Variants in ADGRG2 observed in about 807,000 individuals in gnomAD.
ADGRG2 encodes the protein G protein-coupled receptor 64.
A neutral mutation model predicts 74.1 loss-of-function variants in ADGRG2; 26 were observed. That is an observed-to-expected ratio of 0.35 (90% CI 0.26 to 0.49). The LOEUF (loss-of-function observed/expected upper bound fraction) is 0.49, where lower values mean the gene tolerates loss of function less well. Ranked by LOEUF, ADGRG2 falls within the 20% of genes least tolerant of loss-of-function variation. The pLI is 0.99. For missense variants in ADGRG2, 619 were observed against 763.1 expected, an observed-to-expected ratio of 0.81 and a Z score of 2.22; for synonymous variants, 296 against 295.2, an observed-to-expected ratio of 1.00 and a Z score of -0.03.
intron 2 of ADGRG2, among the ~76,000 whole-genome samples, chrX:19,076,423 G>A (rs2061748327): frequency 9.0e-6 from 1 of 111,539 alleles, no homozygotes; most frequent in African/African-American, 3.3e-5. Context: ...GGCCCCAGGT[G>A]CCCAGAACTA....
chrX:19,074,508 A>G (rs1428685523), intron 2 of ADGRG2, among the ~76,000 whole-genome samples: 1 of 92,456 alleles, frequency 1.1e-5, no homozygotes, highest in Non-Finnish European at 2.1e-5. Flanking sequence ...AAGTGCTGGG[A>G]TTACAGGAGT....
rs747943883 is a variant in ADGRG2, at chrX:19,074,752, G to T, written c.-1-5917C>A. Reference sequence around the variant, plus strand: ...ACCCGGCTAATTTTTTCTATTTTTAGTAGAGATGGGGTTTCACCATGTTGG... The same window carrying T: ...ACCCGGCTAATTTTTTCTATTTTTATTAGAGATGGGGTTTCACCATGTTGG... On this transcript the variant is annotated intron_variant, in intron 2 of 28. Coordinates refer to ENST00000379869, the MANE Select transcript of ADGRG2 (RefSeq NM_001079858.3). Among the ~76,000 whole-genome samples, 3 of 106,650 alleles carry T rather than the reference G, an allele frequency of 2.8e-5. No individual in the cohort carries two copies. The East Asian group carries it at 8.9e-4, about 32-fold the overall frequency. The allele number at this position is 106,650 out of a possible 115,157, so 92.6% of individuals were successfully genotyped here.
intron 3 of ADGRG2, among the ~76,000 whole-genome samples, chrX:19,065,392 C>T (rs1316600503): frequency 1.8e-5 from 2 of 110,029 alleles, no homozygotes; most frequent in African/African-American, 6.6e-5. Context: ...GATGCCAGTG[C>T]TACTTGTCTG....
chrX:19,010,153 C>T (rs2060326458), intron 17 of ADGRG2, among the ~76,000 whole-genome samples: 1 of 104,011 alleles, frequency 9.6e-6, no homozygotes, highest in African/African-American at 3.5e-5. Context: ...CAGAGTCTCA[C>T]TCTGCCTCCC....
chrX:19,093,357 C>T lies in ADGRG2; in HGVS notation c.-46-10611G>A, dbSNP rs192782003. Among the ~76,000 whole-genome samples the T allele has an allele frequency of 3.3e-3, 367 of 111,879 alleles. 2 individuals are homozygous for T. The highest frequency in any genetic ancestry group is 0.01 in the South Asian group (27 of 2,648). ...CAGGAAGTTGTGGCCCTTGACTGAG[C>T]CCCTCTTCTAAATGGAGGCCAGTCT... On this transcript the variant is annotated intron_variant, in intron 1 of 28. Transcript: ENST00000379869.
intron 3 of ADGRG2, among the ~76,000 whole-genome samples, chrX:19,058,102 C>T (rs5955681): frequency 0.3 from 33,409 of 110,604 alleles, 3,890 homozygotes; most frequent in African/African-American, 0.42. Flanking sequence ...CCCTTCAGTC[C>T]ACAAGTGAGG....
At chrX:19,088,862 G>C (rs1276791201) in intron 1 of ADGRG2, among the ~76,000 whole-genome samples, 1 of 112,210 alleles carries the variant, frequency 8.9e-6, no homozygotes, top group Non-Finnish European at 1.9e-5. Context: ...GTCTCACCAA[G>C]TAGTAAGAAA....
At chrX:19,053,295 G>C in intron 3 of ADGRG2, among the ~76,000 whole-genome samples, 1 of 111,375 alleles carries the variant, frequency 9.0e-6, no homozygotes, top group South Asian at 3.9e-4. Flanking sequence ...TTGGGAAGCT[G>C]GCATGAAAAG....
chrX:19,034,600 G>A (rs1023546676), intron 7 of ADGRG2: 2 of 112,164 alleles, frequency 1.8e-5, no homozygotes, highest in Non-Finnish European at 3.8e-5. Flanking sequence ...CCAATGATGG[G>A]TGGTAATTAT....
Position 19,003,019 on chromosome X carries a change from G to A in ADGRG2, c.2057C>T (p.Ala686Val), listed in dbSNP as rs1349171978. 8.3e-7 allele frequency: 1 copy of A among 1,200,974 alleles called. No individual in the cohort carries two copies. Among genetic ancestry groups the A allele is most frequent in the African/African-American group, 1.8e-5 (1 of 56,941 alleles). ...NLVFLLDSWI[A>V]LYKMQGLCIS... ...GCAGAGGCCTTGCATCTTATACAGA[G>A]CAATCCACGAGTCCAGGAGGAAGAC... Residue 686 changes from alanine to valine, a missense_variant, in exon 24 of 29, where the codon GCT becomes GTT. This residue lies in a region of ADGRG2 where 221 missense variants were observed against 340.6 expected (regional missense o/e 0.65). Transcript: ENST00000379869.
chrX:19,116,818 G>A (rs1002473444), intron 1 of ADGRG2, among the ~76,000 whole-genome samples: 2 of 111,475 alleles, frequency 1.8e-5, no homozygotes, highest in Non-Finnish European at 3.8e-5. Context: ...TCAAACTGTG[G>A]GTCAAAAAAT....
At chrX:19,082,111 GAA>G (rs1456103846) in intron 2 of ADGRG2, among the ~76,000 whole-genome samples, 3 of 90,150 alleles carry the variant, frequency 3.3e-5, no homozygotes. Context: ...AAGAAAGAAA[GAA>G]AGAAAAGAAA....
At chrX:19,011,704 G>T (rs758521759) in intron 16 of ADGRG2, among the ~76,000 whole-genome samples, 1 of 111,762 alleles carries the variant, frequency 8.9e-6, no homozygotes, top group African/African-American at 3.2e-5. Context: ...AATTAGCCAC[G>T]TGTGGTGGCA....
chrX:19,025,536 G>T, intron 11 of ADGRG2, among the ~76,000 whole-genome samples: 1 of 110,979 alleles, frequency 9.0e-6, no homozygotes, highest in African/African-American at 3.3e-5. Context: ...TCTATTTCTA[G>T]TCTAGTAATT....
intron 13 of ADGRG2, 27 bp downstream of exon 13, chrX:19,023,383 ATTATAT>A (rs1231335414): frequency 1.1e-6 from 1 of 913,194 alleles, no homozygotes; most frequent in Non-Finnish European, 1.5e-6. Context: ...AAATGGAGAA[ATTATAT>A]TTATGAAAGT....
At chrX:19,041,157 G>A (rs1271195651) in intron 3 of ADGRG2, among the ~76,000 whole-genome samples, 1 of 111,489 alleles carries the variant, frequency 9.0e-6, no homozygotes, top group Non-Finnish European at 1.9e-5. Flanking sequence ...CATCTATGAT[G>A]GCTGAATAGC....
rs530762723 is a variant in ADGRG2, at chrX:19,008,576, G to T, written c.1423-453C>A. Among the ~76,000 whole-genome samples, 83 of 110,683 alleles carry T rather than the reference G, an allele frequency of 7.5e-4. No homozygotes were observed. In the South Asian group the frequency reaches 0.029, roughly 39 times the overall value. On this transcript the variant is annotated intron_variant, in intron 18 of 28. Transcript: ENST00000379869. ...AGCTACCTGGGAGACTGAGGCAGGG[G>T]AGTATCTTGAACCCGGGAGGCGGAG...
intron 3 of ADGRG2, among the ~76,000 whole-genome samples, chrX:19,055,270 G>A (rs5955679): frequency 0.28 from 30,561 of 108,491 alleles, 3,221 homozygotes; most frequent in East Asian, 0.41. Context: ...GTGTGTGTGT[G>A]TATGTGTGTG....
rs2059908167 is a variant in ADGRG2 at position 18,990,798 on chromosome X, G to A, written c.*66C>T. 2 of 788,890 alleles carry A rather than the reference G, an allele frequency of 2.5e-6. No individual in the cohort carries two copies. Among genetic ancestry groups the A allele is most frequent in the African/African-American group, 4.2e-5 (2 of 47,995 alleles). The allele number at this position is 788,890 out of a possible 1,213,427, so 65.0% of individuals were successfully genotyped here. The stretch of plus-strand genomic sequence containing the variant: ...AGTTGATTTTCATACATCTCACATT[G>A]TGTAAAAGGTAAAATTGGACATTTC... On this transcript the variant is annotated 3_prime_UTR_variant, in exon 29 of 29. Transcript: ENST00000379869.
Sources: gnomAD v4.1 joint callset for allele counts (sites outside exome capture counted in the v4.1 genomes callset) on GRCh38, gnomAD v4.1.1 for gene constraint, gnomAD v4.1.1 regional missense constraint, MANE v1.5 for transcripts, NCBI Gene and HGNC (gene_info 2026-07-23, HGNC 2026-07-21) for gene names.